The following MYLK variants were observed in gnomAD, a reference collection of about 807,000 sequenced individuals.
MYLK encodes the protein myosin light chain kinase, smooth muscle.
In MYLK, 106 loss-of-function variants were observed where a neutral mutation model predicts 203.4. That is an observed-to-expected ratio of 0.52 (90% CI 0.45 to 0.61). The LOEUF (loss-of-function observed/expected upper bound fraction) is 0.61. MYLK is among the 20% of genes least tolerant of loss of function. The pLI is 0.00. For synonymous variants in MYLK, 867 were observed against 959.5 expected, an observed-to-expected ratio of 0.90 and a Z score of 1.78; for missense variants, 2,072 against 2,442.3, an observed-to-expected ratio of 0.85 and a Z score of 3.20.
intron 31 of MYLK, chr3:123,620,838 G>C (rs1046712808): frequency 5.6e-6 from 1 of 179,626 alleles, no homozygotes; most frequent in Non-Finnish European, 1.1e-5. Context: ...TGTTGACCTT[G>C]GGCAAGTCAC....
intron 13 of MYLK, among the ~76,000 whole-genome samples, chr3:123,714,589 A>G (rs731767): frequency 0.05 from 7,665 of 152,256 alleles, 623 homozygotes; most frequent in African/African-American, 0.17. Context: ...AGACTTGCCC[A>G]GCTCAAATGG....
intron 18 of MYLK, among the ~76,000 whole-genome samples, chr3:123,696,247 C>T (rs1369226619): frequency 2.0e-5 from 3 of 152,076 alleles, no homozygotes; most frequent in Non-Finnish European, 2.9e-5. Flanking sequence ...AGTTGGTGCA[C>T]GCAGATACAC....
chr3:123,708,086 T>C (rs2061533009), intron 15 of MYLK, 83 bp from the exon 16 acceptor site: 3 of 1,578,678 alleles, frequency 1.9e-6, no homozygotes, highest in African/African-American at 2.7e-5. Context: ...AGGTGAAGGA[T>C]GGGAAGATAG....
intron 16 of MYLK, among the ~76,000 whole-genome samples, chr3:123,704,875 G>A (rs76866431): frequency 9.9e-5 from 15 of 152,038 alleles, no homozygotes; most frequent in African/African-American, 3.1e-4. Flanking sequence ...AGCCAAGATC[G>A]TGCCACTGCA....
intron 31 of MYLK, chr3:123,621,497 T>C (rs1434989779): frequency 6.6e-6 from 1 of 152,166 alleles, no homozygotes; most frequent in African/African-American, 2.4e-5. Context: ...CTTCACATGC[T>C]CAAGTACTTC....
Position 123,614,306 on chromosome 3 carries a change from T to A in MYLK, c.5544A>T (p.Ser1848=), listed in dbSNP as rs1264625234. ...PEVVWFKDDQ[S]IRESRHFQID... Reference sequence around the variant, plus strand: ...TCTGGAAGTGGCGGGACTCCCTGATTGACTGGTCATCTTTGAACCAGACAA... The same window carrying A: ...TCTGGAAGTGGCGGGACTCCCTGATAGACTGGTCATCTTTGAACCAGACAA... Residue 1848 remains serine (S), a synonymous_variant, in exon 34 of 34, where the codon TCA becomes TCT. Transcript: ENST00000360304. 6.2e-7 allele frequency: 1 copy of A among 1,614,054 alleles called. No homozygotes were observed. The highest frequency in any genetic ancestry group is 8.5e-7 in the Non-Finnish European group (1 of 1,180,036).
intron 12 of MYLK, among the ~76,000 whole-genome samples, chr3:123,723,488 G>T (rs2062166192): frequency 6.6e-6 from 1 of 152,150 alleles, no homozygotes; most frequent in Non-Finnish European, 1.5e-5. Flanking sequence ...TCTCTTCCTT[G>T]ACAATACCAG....
intron 5 of MYLK, among the ~76,000 whole-genome samples, chr3:123,741,328 A>C (rs1464814285): frequency 6.6e-6 from 1 of 152,246 alleles, no homozygotes; most frequent in Non-Finnish European, 1.5e-5. Context: ...CATCACATTT[A>C]AGCTGTGGCT....
intron 29 of MYLK, among the ~76,000 whole-genome samples, chr3:123,634,197 C>T (rs370355759): frequency 1.3e-5 from 2 of 152,138 alleles, no homozygotes; most frequent in African/African-American, 2.4e-5. Flanking sequence ...GAGGAAGCAG[C>T]GACCTGGGGT....
At chr3:123,719,963 G>A (rs1430666993) in intron 13 of MYLK, among the ~76,000 whole-genome samples, 1 of 152,208 alleles carries the variant, frequency 6.6e-6, no homozygotes, top group Admixed American at 6.5e-5. Context: ...GTGCCAGGGG[G>A]TGTCGCTGTG....
chr3:123,649,029 T>C lies in MYLK; in HGVS notation c.4357A>G (p.Thr1453Ala). ...KEPEVDYRTVTINTEQKVSDF... is the reference protein window; with the variant it reads ...KEPEVDYRTVAINTEQKVSDF... ...GATACTTTTTGTTCAGTATTGATTGTCACTGTCCGGTAATCAACCTCGGGC... is the reference window on the plus strand; with the variant it reads ...GATACTTTTTGTTCAGTATTGATTGCCACTGTCCGGTAATCAACCTCGGGC... Residue 1453 changes from threonine to alanine, a missense_variant, in exon 26 of 34, where the codon ACA becomes GCA. By Grantham distance (58) the Thr-to-Ala change is moderately conservative. Coordinates refer to ENST00000360304, the MANE Select transcript of MYLK (RefSeq NM_053025.4). The C allele has an allele frequency of 6.2e-7, 1 of 1,614,204 alleles. No homozygotes were observed. The highest frequency in any genetic ancestry group is 8.5e-7 in the Non-Finnish European group (1 of 1,180,034).
intron 4 of MYLK, among the ~76,000 whole-genome samples, chr3:123,767,134 TC>T (rs2063731218): frequency 2.6e-5 from 4 of 152,116 alleles, no homozygotes; most frequent in African/African-American, 9.7e-5. Context: ...CCCTTTCAAG[TC>T]TGTGATCCTC....
intron 4 of MYLK, among the ~76,000 whole-genome samples, chr3:123,778,346 T>C (rs1237130376): frequency 2.6e-5 from 4 of 151,788 alleles, no homozygotes; most frequent in African/African-American, 9.7e-5. Flanking sequence ...CCATCTCTAC[T>C]AAACAAAATA....
chr3:123,839,604 T>C (rs2066546273), intron 2 of MYLK, among the ~76,000 whole-genome samples: 1 of 152,160 alleles, frequency 6.6e-6, no homozygotes, highest in African/African-American at 2.4e-5. Context: ...AAATCCGCAA[T>C]TGTAGTTAGA....
chr3:123,667,941 C>T (rs573320707), intron 20 of MYLK, among the ~76,000 whole-genome samples: 3 of 152,290 alleles, frequency 2.0e-5, no homozygotes, highest in African/African-American at 7.2e-5. Context: ...AGACTGTTGA[C>T]TGGTGGCTTT....
intron 4 of MYLK, among the ~76,000 whole-genome samples, chr3:123,759,130 CAT>C (rs1330264042): frequency 2.0e-5 from 3 of 152,166 alleles, no homozygotes; most frequent in East Asian, 1.9e-4. Flanking sequence ...TGGCCAAAGA[CAT>C]AGAATTTTAA....
intron 11 of MYLK, among the ~76,000 whole-genome samples, chr3:123,732,510 C>A (rs1245624583): frequency 1.3e-5 from 2 of 152,212 alleles, no homozygotes; most frequent in African/African-American, 4.8e-5. Flanking sequence ...ACAGACAGTA[C>A]AATAAACATA....
chr3:123,732,664 G>A (rs1275624438), intron 11 of MYLK, among the ~76,000 whole-genome samples: 1 of 152,152 alleles, frequency 6.6e-6, no homozygotes, highest in Non-Finnish European at 1.5e-5. Context: ...AGTTGGGCTG[G>A]GTGTGGGGCC....
chr3:123,876,424 A>G (rs1245867508), intron 2 of MYLK, 135 bp downstream of exon 2: 6 of 152,198 alleles, frequency 3.9e-5, no homozygotes, highest in Non-Finnish European at 5.9e-5. Context: ...GTATATTGTA[A>G]TTTAGAAACT....
Sources: gnomAD v4.1 joint callset for allele counts (sites outside exome capture counted in the v4.1 genomes callset) on GRCh38, gnomAD v4.1.1 for gene constraint, MANE v1.5 for transcripts, NCBI Gene and HGNC (gene_info 2026-07-23, HGNC 2026-07-21) for gene names.